SLC31A2: variants seen among roughly 807,000 people sequenced by gnomAD.
SLC31A2 encodes protein SLC31A2.
A neutral mutation model predicts 14.4 loss-of-function variants in SLC31A2; 16 were observed. The observed-to-expected ratio is 1.11, with a 90% CI of 0.75 to 1.69. The LOEUF (loss-of-function observed/expected upper bound fraction) is 1.69. SLC31A2 is among the 40% of genes most tolerant of loss of function. SLC31A2 has a pLI of 0.00. For synonymous variants in SLC31A2, 56 were observed against 68.7 expected (o/e 0.82, Z 0.91); for missense variants, 140 against 173.9 (o/e 0.81, Z 1.10).
intron 3 of SLC31A2, chr9:113,162,233 T>C: frequency 3.8e-6 from 1 of 261,314 alleles, no homozygotes; most frequent in South Asian, 3.8e-5. Context: ...CATGGGTGTC[T>C]CAGATCTTCA....
Position 113,151,180 on chromosome 9 carries a change from G to T in SLC31A2, c.6+100G>T. ...CGAATCCTCGCTGCCGCTGGCCCGGGGCTGGTGAAGGGTGTGTTGGCAGCA... is the reference window on the plus strand; with the variant it reads ...CGAATCCTCGCTGCCGCTGGCCCGGTGCTGGTGAAGGGTGTGTTGGCAGCA... On this transcript the variant is annotated intron_variant, in intron 1 of 3. Coordinates refer to ENST00000259392, the MANE Select transcript of SLC31A2 (RefSeq NM_001860.3). This position sits in a 1 kb window ranked among gnomAD's most constrained non-coding sequence, Gnocchi z 4.2. 8.4e-7 allele frequency: 1 copy of T among 1,184,090 alleles called. No individual in the cohort carries two copies. The highest frequency in any genetic ancestry group is 1.1e-6 in the Non-Finnish European group (1 of 926,736). 73.3% of individuals were successfully genotyped at this position (1,184,090 alleles called of 1,614,324 possible). A position where few individuals can be genotyped will look rare whatever the true frequency, so the allele number is the denominator to read the frequency against.
chr9:113,157,624 T>TGCTG, intron 1 of SLC31A2, 103 bp from the exon 2 acceptor site: 1 of 917,276 alleles, frequency 1.1e-6, no homozygotes, highest in Non-Finnish European at 1.7e-6. Flanking sequence ...GCACTTCCAG[T>TGCTG]GACCCCATTT....
Position 113,162,846 on chromosome 9 carries a change from A to G in SLC31A2, c.361A>G (p.Ile121Val), listed in dbSNP as rs751564794. ...GGCCGTAATGTCCTACAACACCTGG[A>G]TTTTCCTTGGTGTGGTCTTGGGCTC... ...MLAVMSYNTW[I>V]FLGVVLGSAV... Residue 121 changes from isoleucine to valine, a missense_variant, in exon 4 of 4, where the codon ATT becomes GTT. Transcript: ENST00000259392. The G allele has an allele frequency of 1.2e-6, 2 of 1,613,410 alleles. No homozygotes were observed. Among genetic ancestry groups the G allele is most frequent in the Non-Finnish European group, 8.5e-7 (1 of 1,179,766 alleles).
Position 113,157,757 on chromosome 9 carries a change from C to T in SLC31A2, c.37C>T (p.Leu13Phe), listed in dbSNP as rs199500515. 181 of 1,613,116 alleles carry T rather than the reference C, an allele frequency of 1.1e-4. No homozygotes were observed. In the Middle Eastern group the frequency reaches 1.8e-3, roughly 16 times the overall value. Residue 13 changes from leucine to phenylalanine, a missense_variant, in exon 2 of 4, where the codon CTT becomes TTT. Leu to Phe is a conservative substitution (Grantham distance 22). Coordinates refer to ENST00000259392, the MANE Select transcript of SLC31A2 (RefSeq NM_001860.3). The part of the protein sequence containing the change: ...MHFIFSDTAV[L>F]LFDFWSVHSP... ...TTTCATCTTCTCAGATACAGCGGTG[C>T]TTCTGTTTGATTTCTGGAGTGTCCA...
Position 113,151,164 on chromosome 9 carries a change from G to A in SLC31A2, c.6+84G>A. On this transcript the variant is annotated intron_variant, in intron 1 of 3. Coordinates refer to ENST00000259392, the MANE Select transcript of SLC31A2 (RefSeq NM_001860.3). This position sits in a 1 kb window ranked among gnomAD's most constrained non-coding sequence, Gnocchi z 4.2. ...TGCCATCTCGGCACCCCGAATCCTC[G>A]CTGCCGCTGGCCCGGGGCTGGTGAA... The A allele has an allele frequency of 2.4e-6, 3 of 1,236,018 alleles. No homozygotes were observed. The highest frequency in any genetic ancestry group is 3.1e-6 in the Non-Finnish European group (3 of 971,838). The allele number at this position is 1,236,018 out of a possible 1,614,324, so 76.6% of individuals were successfully genotyped here. A position where few individuals can be genotyped will look rare whatever the true frequency, so the allele number is the denominator to read the frequency against.
In SLC31A2 at chr9:113,151,210, C is replaced by A; in HGVS notation, c.6+130C>A. On this transcript the variant is annotated intron_variant, in intron 1 of 3. Transcript: ENST00000259392. This position sits in a 1 kb window ranked among gnomAD's most constrained non-coding sequence, Gnocchi z 4.2. ...GTGAAGGGTGTGTTGGCAGCATTGC[C>A]AACAGCTGGAACAGGGTTGGGGGAC... The A allele has an allele frequency of 1.0e-6, 1 of 977,304 alleles. No individual in the cohort carries two copies. Among genetic ancestry groups the A allele is most frequent in the Non-Finnish European group, 1.4e-6 (1 of 740,560 alleles). The allele number at this position is 977,304 out of a possible 1,614,324, so 60.5% of individuals were successfully genotyped here. A position where few individuals can be genotyped will look rare whatever the true frequency, so the allele number is the denominator to read the frequency against.
chr9:113,155,011 T>C (rs1399639295), intron 1 of SLC31A2, among the ~76,000 whole-genome samples: 1 of 152,234 alleles, frequency 6.6e-6, no homozygotes, highest in Non-Finnish European at 1.5e-5. Context: ...TCCCATATTT[T>C]GTTCCAAAGT....
In SLC31A2 at chr9:113,162,795, G is replaced by A; in HGVS notation, c.310G>A (p.Val104Met). 3 of 1,613,706 alleles carry A rather than the reference G, an allele frequency of 1.9e-6. No homozygotes were observed. The highest frequency in any genetic ancestry group is 1.3e-5 in the African/African-American group (1 of 74,976). The stretch of plus-strand genomic sequence containing the variant: ...CCAGTCTCTAATCCATGTCATCCAG[G>A]TGGTCATCGGCTACTTCATCATGCT... ...FGQSLIHVIQ[V>M]VIGYFIMLAV... The change falls in exon 4 of 4, where the codon GTG (valine) becomes ATG (methionine). Residue 104 changes from valine to methionine, a missense_variant. Transcript: ENST00000259392.
At position 113,157,938 on chromosome 9, in the gene SLC31A2, T is replaced by C. The variant is rs1829955401; in HGVS notation, c.73+145T>C. On this transcript the variant is annotated intron_variant, in intron 2 of 3. Coordinates refer to ENST00000259392, the MANE Select transcript of SLC31A2 (RefSeq NM_001860.3). ...ACACTGAGCAGGAACTTCACAGTTA[T>C]AATTCCATTTGTAACCACTCCCCTT... 3 of 718,440 alleles carry C rather than the reference T, an allele frequency of 4.2e-6. No homozygotes were observed. In the East Asian group the frequency reaches 8.3e-5, roughly 20 times the overall value. 44.5% of individuals were successfully genotyped at this position (718,440 alleles called of 1,614,324 possible).
chr9:113,161,873 T>A (rs1298971635), intron 3 of SLC31A2, 175 bp downstream of exon 3: 1 of 733,924 alleles, frequency 1.4e-6, no homozygotes, highest in South Asian at 1.5e-5. Context: ...TGTCTCCTGA[T>A]GCCCAGGCCA....
intron 1 of SLC31A2, chr9:113,155,879 CAG>C (rs1248259703): frequency 3.2e-6 from 1 of 316,880 alleles, no homozygotes; most frequent in African/African-American, 2.1e-5. Context: ...AAACTGAGGC[CAG>C]AGAGAGGCCC....
chr9:113,153,582 G>T (rs1222873665), intron 1 of SLC31A2, among the ~76,000 whole-genome samples: 1 of 152,200 alleles, frequency 6.6e-6, no homozygotes, highest in Non-Finnish European at 1.5e-5. Context: ...TACCTTCCTT[G>T]TTAAAGAGGT....
rs1830034579 is a variant in SLC31A2 at position 113,162,744 on chromosome 9, T to G, written c.264-5T>G. 6.2e-7 allele frequency: 1 copy of G among 1,608,854 alleles called. No individual in the cohort carries two copies. The highest frequency in any genetic ancestry group is 1.3e-5 in the African/African-American group (1 of 74,744). On this transcript the variant is annotated splice_region_variant and splice_polypyrimidine_tract_variant and intron_variant, in intron 3 of 3. Transcript: ENST00000259392. ...AGGATTAACTTGCTTCTCCTTTTTA[T>G]CTAGGTGGTATTTGTGTCACTTTGG...
intron 1 of SLC31A2, among the ~76,000 whole-genome samples, chr9:113,152,666 C>G (rs1264270923): frequency 6.6e-6 from 1 of 152,232 alleles, no homozygotes; most frequent in Non-Finnish European, 1.5e-5. Flanking sequence ...AATGTCCCCC[C>G]TCATAGACAG....
At chr9:113,161,163 A>AT (rs1411363189) in intron 2 of SLC31A2, 1 of 216,784 alleles carries the variant, frequency 4.6e-6, no homozygotes, top group Non-Finnish European at 8.9e-6. Flanking sequence ...CCTTCCAGAC[A>AT]TTTTTTGCAT....
chr9:113,155,596 GGA>G (rs1424708118), intron 1 of SLC31A2, among the ~76,000 whole-genome samples: 3 of 152,196 alleles, frequency 2.0e-5, no homozygotes, highest in Non-Finnish European at 4.4e-5. Context: ...AAAAAGGGGA[GGA>G]GAGAGTTCTG....
rs542277767 is a variant in SLC31A2 at position 113,151,195 on chromosome 9, T to G, written c.6+115T>G. 4 of 1,110,664 alleles carry G rather than the reference T, an allele frequency of 3.6e-6. No homozygotes were observed. Among genetic ancestry groups the G allele is most frequent in the Non-Finnish European group, 4.6e-6 (4 of 861,458 alleles). The allele number at this position is 1,110,664 out of a possible 1,614,324, so 68.8% of individuals were successfully genotyped here. On this transcript the variant is annotated intron_variant, in intron 1 of 3. Coordinates refer to ENST00000259392, the MANE Select transcript of SLC31A2 (RefSeq NM_001860.3). The surrounding 1 kb of genome is among the most constrained non-coding windows in gnomAD (Gnocchi z 4.2). ...GCTGGCCCGGGGCTGGTGAAGGGTG[T>G]GTTGGCAGCATTGCCAACAGCTGGA...
chr9:113,162,013 C>A, intron 3 of SLC31A2: 2 of 439,664 alleles, frequency 4.5e-6, no homozygotes, highest in Non-Finnish European at 8.4e-6. Flanking sequence ...CTCACCAGTT[C>A]CATGGGTCAC....
intron 1 of SLC31A2, 145 bp from the exon 2 acceptor site, chr9:113,157,582 G>A (rs1469132368): frequency 2.2e-5 from 14 of 650,424 alleles, no homozygotes; most frequent in Non-Finnish European, 1.1e-5. Context: ...TATGGCCTCA[G>A]TTGGCCCTGA....
Sources: gnomAD v4.1 joint callset for allele counts (sites outside exome capture counted in the v4.1 genomes callset) on GRCh38, gnomAD v4.1.1 for gene constraint, Gnocchi (gnomAD v3.1) non-coding constraint, MANE v1.5 for transcripts, NCBI Gene and HGNC (gene_info 2026-07-23, HGNC 2026-07-21) for gene names.